Variants in MACROD2 observed in about 807,000 individuals in gnomAD.
MACROD2 encodes the protein mono-ADP ribosylhydrolase 2.
A neutral mutation model predicts 70.4 loss-of-function variants in MACROD2; 36 were observed. That is an observed-to-expected ratio of 0.51 (90% CI 0.39 to 0.68). The LOEUF is 0.68. MACROD2 is among the 30% of genes least tolerant of loss of function. The probability of loss-of-function intolerance (pLI) is 0.00; values close to 1 mark genes in which losing one functional copy is unlikely to be tolerated. For missense variants in MACROD2, 496 were observed against 538.4 expected (o/e 0.92, Z 0.78); for synonymous variants, 172 against 178.8 (o/e 0.96, Z 0.30).
intron 12 of MACROD2, among the ~76,000 whole-genome samples, chr20:15,955,219 AT>A (rs1362220742): frequency 1.3e-5 from 2 of 152,178 alleles, no homozygotes; most frequent in Non-Finnish European, 2.9e-5. Context: ...GGTACAATGA[AT>A]AAACCCAATT....
chr20:14,781,200 G>A lies in MACROD2; in HGVS notation c.418+96241G>A, dbSNP rs573993787. 4.0e-5 allele frequency among the ~76,000 whole-genome samples: 6 copies of A among 151,754 alleles called. No individual in the cohort carries two copies. The South Asian group carries it at 8.4e-4, about 21-fold the overall frequency. ...GGCCAGTAATAGTTCCCCCTACCCC[G>A]CCCCACCTCAAACCTCTGGTAACCA... is the stretch of plus-strand genomic sequence containing the variant. On this transcript the variant is annotated intron_variant, in intron 5 of 17. Transcript: ENST00000684519.
At chr20:14,722,180 G>A (rs2071477808) in intron 5 of MACROD2, among the ~76,000 whole-genome samples, 1 of 152,116 alleles carries the variant, frequency 6.6e-6, no homozygotes, top group Non-Finnish European at 1.5e-5. Flanking sequence ...TTTTTCTCAT[G>A]GGCTTGGCAG....
chr20:14,959,684 A>G (rs1329067011), intron 5 of MACROD2, among the ~76,000 whole-genome samples: 1 of 152,192 alleles, frequency 6.6e-6, no homozygotes, highest in African/African-American at 2.4e-5. Context: ...GAGTTGTACA[A>G]CGTGGGGCCT....
At chr20:14,176,468 A>G (rs2081264096) in intron 3 of MACROD2, among the ~76,000 whole-genome samples, 1 of 152,206 alleles carries the variant, frequency 6.6e-6, no homozygotes, top group African/African-American at 2.4e-5. Flanking sequence ...ATTTTAGAAT[A>G]GATATGAAAG....
rs565765520 is a variant in MACROD2 at position 15,935,048 on chromosome 20, C to T, written c.838+1710C>T. 7.2e-5 allele frequency among the ~76,000 whole-genome samples: 11 copies of T among 152,276 alleles called. No homozygotes were observed. The Middle Eastern group carries it at 0.01, about 141-fold the overall frequency. On this transcript the variant is annotated intron_variant, in intron 11 of 17. Coordinates refer to ENST00000684519, the MANE Select transcript of MACROD2 (RefSeq NM_001351661.2). ...CCCTGTACATACATGTACACACGCA[C>T]ACTCACACACACGTATGCATGCACT...
At chr20:14,911,385 T>C (rs567324533) in intron 5 of MACROD2, among the ~76,000 whole-genome samples, 6 of 152,172 alleles carry the variant, frequency 3.9e-5, no homozygotes, top group South Asian at 2.1e-4. Flanking sequence ...TCACTTTTTT[T>C]CCCCCTTCTA....
intron 2 of MACROD2, among the ~76,000 whole-genome samples, chr20:14,062,532 C>T (rs1015238512): frequency 6.6e-6 from 1 of 151,958 alleles, no homozygotes; most frequent in Non-Finnish European, 1.5e-5. Context: ...ACAATATTTG[C>T]AAAGACATGG....
At chr20:14,710,846 G>A (rs1396458081) in intron 5 of MACROD2, among the ~76,000 whole-genome samples, 1 of 152,110 alleles carries the variant, frequency 6.6e-6, no homozygotes, top group South Asian at 2.1e-4. Context: ...TGTTTCTCCT[G>A]ATTGATAATC....
intron 5 of MACROD2, among the ~76,000 whole-genome samples, chr20:15,208,478 A>G (rs2076730853): frequency 6.6e-6 from 1 of 152,126 alleles, no homozygotes; most frequent in East Asian, 1.9e-4. Flanking sequence ...ATAATGAGTG[A>G]TTTTATATAA....
chr20:14,986,598 G>A (rs760183949), intron 5 of MACROD2, among the ~76,000 whole-genome samples: 2 of 152,090 alleles, frequency 1.3e-5, no homozygotes, highest in African/African-American at 4.8e-5. Context: ...CTCACCTTAG[G>A]TATTTATGAA....
intron 3 of MACROD2, among the ~76,000 whole-genome samples, chr20:14,257,823 G>T (rs2082069937): frequency 2.0e-5 from 3 of 152,204 alleles, no homozygotes; most frequent in Admixed American, 2.0e-4. Context: ...CCGAGCTTTT[G>T]GTGCACGCAT....
intron 3 of MACROD2, among the ~76,000 whole-genome samples, chr20:14,447,549 G>T (rs1331449521): frequency 1.3e-5 from 2 of 151,952 alleles, no homozygotes; most frequent in Non-Finnish European, 2.9e-5. Flanking sequence ...ATAGGAAGAG[G>T]CCTCAGAGGA....
chr20:14,166,325 GTGTA>G (rs2055269179), intron 3 of MACROD2, among the ~76,000 whole-genome samples: 1 of 151,962 alleles, frequency 6.6e-6, no homozygotes, highest in African/African-American at 2.4e-5. Flanking sequence ...AATTCCGTGT[GTGTA>G]TGTGTGTGTG....
intron 8 of MACROD2, among the ~76,000 whole-genome samples, chr20:15,613,298 C>A (rs1203117856): frequency 6.6e-6 from 1 of 152,186 alleles, no homozygotes; most frequent in Non-Finnish European, 1.5e-5. Context: ...ACAGCTTGTT[C>A]TCTCCTGATT....
At chr20:15,850,817 A>G (rs1299756586) in intron 8 of MACROD2, among the ~76,000 whole-genome samples, 1 of 152,106 alleles carries the variant, frequency 6.6e-6, no homozygotes, top group Non-Finnish European at 1.5e-5. Context: ...AATCTCAACA[A>G]ATCTGTTGCT....
At chr20:15,655,365 C>T (rs1262718541) in intron 8 of MACROD2, among the ~76,000 whole-genome samples, 5 of 146,678 alleles carry the variant, frequency 3.4e-5, no homozygotes, top group Non-Finnish European at 7.4e-5. Flanking sequence ...TGTTGATTTA[C>T]CGATAGAATA....
chr20:14,869,480 G>A (rs1184204495), intron 5 of MACROD2, among the ~76,000 whole-genome samples: 1 of 152,098 alleles, frequency 6.6e-6, no homozygotes, highest in African/African-American at 2.4e-5. Context: ...TGATGTCCAG[G>A]CTTCCTGCAG....
intron 4 of MACROD2, among the ~76,000 whole-genome samples, chr20:14,599,832 C>T (rs1982371149): frequency 6.6e-6 from 1 of 152,094 alleles, no homozygotes; most frequent in African/African-American, 2.4e-5. Flanking sequence ...CAATGCCTCA[C>T]ATAGGGAGGC....
At chr20:14,500,583 G>C (rs2084905562) in intron 4 of MACROD2, among the ~76,000 whole-genome samples, 1 of 152,102 alleles carries the variant, frequency 6.6e-6, no homozygotes, top group South Asian at 2.1e-4. Context: ...AGGTGGGGAG[G>C]GTTCAAAATC....
Sources: gnomAD v4.1 joint callset for allele counts (sites outside exome capture counted in the v4.1 genomes callset) on GRCh38, gnomAD v4.1.1 for gene constraint, MANE v1.5 for transcripts, NCBI Gene and HGNC (gene_info 2026-07-23, HGNC 2026-07-21) for gene names.